FAAH2: variants seen among roughly 807,000 people sequenced by gnomAD.
FAAH2 encodes the protein fatty acid amide hydrolase 2, also known as fatty-acid amide hydrolase 2.
A neutral mutation model predicts 36.9 loss-of-function variants in FAAH2; 60 were observed. The observed-to-expected ratio is 1.63, with a 90% CI of 1.32 to 2.02. FAAH2 has a LOEUF of 2.02. FAAH2 is among the 30% of genes most tolerant of loss of function. The pLI is 0.00. For synonymous variants in FAAH2, 214 were observed against 143.8 expected (o/e 1.49, Z -3.49); for missense variants, 689 against 397.5 (o/e 1.73, Z -6.23).
intron 7 of FAAH2, among the ~76,000 whole-genome samples, chrX:57,385,045 C>A (rs1191874487): frequency 1.8e-5 from 2 of 110,418 alleles, no homozygotes; most frequent in Non-Finnish European, 3.8e-5. Flanking sequence ...AAACCAAATA[C>A]CGCATGTTTT....
At chrX:57,397,692 C>T (rs1569317367) in intron 7 of FAAH2, among the ~76,000 whole-genome samples, 1 of 108,131 alleles carries the variant, frequency 9.2e-6, no homozygotes, top group African/African-American at 3.4e-5. Context: ...TCTGTAGCTG[C>T]TTTTTTTTTC....
At chrX:57,423,226 A>T (rs371582519) in intron 7 of FAAH2, among the ~76,000 whole-genome samples, 1 of 112,046 alleles carries the variant, frequency 8.9e-6, no homozygotes. Flanking sequence ...ACTATCCAGA[A>T]TGGGTGAAAG....
intron 3 of FAAH2, 69 bp from the exon 4 acceptor site, chrX:57,331,529 T>C: frequency 1.0e-6 from 1 of 974,832 alleles, no homozygotes; most frequent in South Asian, 2.3e-5. Flanking sequence ...TTGGCCATCT[T>C]GCCCCTCAGG....
chrX:57,236,197 G>A, the FAAH2 span, among the ~76,000 whole-genome samples: 1 of 112,061 alleles, frequency 8.9e-6, no homozygotes, highest in African/African-American at 3.2e-5. Context: ...TAGCAGAATA[G>A]CATACCACTG....
intron 2 of FAAH2, among the ~76,000 whole-genome samples, chrX:57,300,304 A>T (rs959233479): frequency 4.5e-5 from 5 of 111,541 alleles, no homozygotes; most frequent in African/African-American, 6.5e-5. Context: ...ACAATGCCGC[A>T]TATCTACAAC....
At chrX:57,465,025 G>C (rs986495351) in intron 10 of FAAH2, among the ~76,000 whole-genome samples, 3 of 111,718 alleles carry the variant, frequency 2.7e-5, no homozygotes, top group African/African-American at 9.7e-5. Context: ...TTATTAAATA[G>C]AGACTATCAT....
At chrX:57,465,965 CA>C (rs1208831750) in intron 10 of FAAH2, among the ~76,000 whole-genome samples, 4 of 108,789 alleles carry the variant, frequency 3.7e-5, no homozygotes, top group Non-Finnish European at 7.6e-5. Context: ...AACTGAAATC[CA>C]AAAATGGAAT....
At chrX:57,420,404 G>T (rs1051536417) in intron 7 of FAAH2, among the ~76,000 whole-genome samples, 1 of 111,336 alleles carries the variant, frequency 9.0e-6, no homozygotes, top group South Asian at 3.8e-4. Context: ...CTTGAGCAGT[G>T]GTTCGTAGTT....
rs775480469 is a variant in FAAH2, at chrX:57,366,528, G to A, written c.743-12123G>A. Among the ~76,000 whole-genome samples, 270 of 112,513 alleles carry A rather than the reference G, an allele frequency of 2.4e-3. 1 individual carries two copies. The highest frequency in any genetic ancestry group is 4.6e-3 in the Middle Eastern group (1 of 217). ...CCCCACATGGGTGCACGCCAGTGGG[G>A]CAGCAGGGGTCCCAAAGCTTGCTCA... On this transcript the variant is annotated intron_variant, in intron 5 of 10. Coordinates refer to ENST00000374900, the MANE Select transcript of FAAH2 (RefSeq NM_174912.4).
intron 10 of FAAH2, among the ~76,000 whole-genome samples, chrX:57,449,904 T>A (rs1266872883): frequency 1.8e-5 from 2 of 111,601 alleles, no homozygotes; most frequent in African/African-American, 6.5e-5. Context: ...GACCTCAGAT[T>A]ATCTGTCCGC....
intron 10 of FAAH2, among the ~76,000 whole-genome samples, chrX:57,459,990 A>C (rs1250173080): frequency 8.9e-6 from 1 of 111,805 alleles, no homozygotes; most frequent in Non-Finnish European, 1.9e-5. Flanking sequence ...ATGCATGCAG[A>C]ATGAGTTTGA....
chrX:57,283,868 G>A (rs1313367149), upstream of FAAH2, among the ~76,000 whole-genome samples: 1 of 112,072 alleles, frequency 8.9e-6, no homozygotes, highest in Non-Finnish European at 1.9e-5. Flanking sequence ...AGCTGCTACC[G>A]AGTAAAGTGT....
At chrX:57,247,615 C>G in the FAAH2 span, among the ~76,000 whole-genome samples, 1 of 111,633 alleles carries the variant, frequency 9.0e-6, no homozygotes, top group African/African-American at 3.3e-5. Flanking sequence ...CCATTCTGTA[C>G]AATGTGGTCT....
chrX:57,452,242 A>G, intron 10 of FAAH2: 1 of 754,676 alleles, frequency 1.3e-6, no homozygotes, highest in Non-Finnish European at 1.6e-6. Flanking sequence ...GGTGCCAGGA[A>G]TGCTAAGCAG....
chrX:57,347,604 GTTTTTTTTTT>G (rs61323098), intron 5 of FAAH2, among the ~76,000 whole-genome samples: 15,972 of 77,293 alleles, frequency 0.21, 2,208 homozygotes, highest in Middle Eastern at 0.34. Flanking sequence ...GGGATGCTAA[GTTTTTTTTTT>G]TTTTTTTTTT....
chrX:57,216,536 A>G, the FAAH2 span, among the ~76,000 whole-genome samples: 1 of 77,628 alleles, frequency 1.3e-5, no homozygotes, highest in Non-Finnish European at 2.2e-5. Flanking sequence ...GTATATATAT[A>G]TATATACGTA....
the FAAH2 span, among the ~76,000 whole-genome samples, chrX:57,204,627 AC>A: frequency 1.8e-5 from 2 of 111,600 alleles, no homozygotes; most frequent in Admixed American, 9.5e-5. Context: ...CTATTTCCCA[AC>A]TTTTTGTTAT....
intron 7 of FAAH2, among the ~76,000 whole-genome samples, chrX:57,398,900 C>A (rs376777867): frequency 3.6e-5 from 4 of 111,430 alleles, no homozygotes; most frequent in Non-Finnish European, 5.7e-5. Context: ...ACCCTCTCAA[C>A]AGGAAAACCC....
intron 3 of FAAH2, among the ~76,000 whole-genome samples, chrX:57,324,788 A>T (rs897690588): frequency 8.9e-6 from 1 of 112,293 alleles, no homozygotes; most frequent in African/African-American, 3.2e-5. Flanking sequence ...ATCTGCAAAC[A>T]GGGACAATTT....
Sources: gnomAD v4.1 joint callset for allele counts (sites outside exome capture counted in the v4.1 genomes callset) on GRCh38, gnomAD v4.1.1 for gene constraint, MANE v1.5 for transcripts, NCBI Gene and HGNC (gene_info 2026-07-23, HGNC 2026-07-21) for gene names.